USO1: variants seen among roughly 807,000 people sequenced by gnomAD.
USO1 encodes general vesicular transport factor p115.
Under a neutral mutation model 124.5 loss-of-function variants are expected in USO1, and 57 were observed. That is an observed-to-expected ratio of 0.46 (90% CI 0.37 to 0.57). The LOEUF is 0.57. Ranked by LOEUF, USO1 falls within the 20% of genes least tolerant of loss-of-function variation. The pLI, the probability that USO1 is intolerant of heterozygous loss-of-function variation, is 0.00. For synonymous variants in USO1, 369 were observed against 362.8 expected (o/e 1.02, Z -0.19); for missense variants, 900 against 1,040.6 (o/e 0.86, Z 1.86).
At chr4:75,751,700 A>G (rs2149153775) in intron 1 of USO1, among the ~76,000 whole-genome samples, 1 of 151,552 alleles carries the variant, frequency 6.6e-6, no homozygotes, top group East Asian at 2.0e-4. Flanking sequence ...GCATGGTGGC[A>G]GGTGCCTGTA....
intron 4 of USO1, 28 bp downstream of exon 4, chr4:75,757,601 T>G: frequency 7.0e-7 from 1 of 1,438,766 alleles, no homozygotes; most frequent in Non-Finnish European, 9.1e-7. Flanking sequence ...TTTACTGTGT[T>G]TTCTGTACTT....
chr4:75,725,016 G>A, intron 1 of USO1, 131 bp downstream of exon 1: 1 of 919,964 alleles, frequency 1.1e-6, no homozygotes, highest in Non-Finnish European at 1.7e-6. Context: ...CTCCCCCTTT[G>A]CCCTCCTTCC....
chr4:75,736,408 C>T (rs1720793853), intron 1 of USO1, among the ~76,000 whole-genome samples: 1 of 146,786 alleles, frequency 6.8e-6, no homozygotes. Context: ...ACCTCCGCCT[C>T]CTGGGTTCAA....
intron 1 of USO1, among the ~76,000 whole-genome samples, chr4:75,737,557 C>G (rs1490049859): frequency 6.6e-6 from 1 of 151,814 alleles, no homozygotes; most frequent in Non-Finnish European, 1.5e-5. Flanking sequence ...GAGCTGAGCT[C>G]TGTGTTGCAT....
chr4:75,801,231 G>T, intron 17 of USO1, 31 bp downstream of exon 17: 1 of 1,522,350 alleles, frequency 6.6e-7, no homozygotes, highest in Non-Finnish European at 8.8e-7. Context: ...TATACCCTCT[G>T]ATTACCAATA....
intron 12 of USO1, among the ~76,000 whole-genome samples, chr4:75,792,846 CCT>C (rs1246599498): frequency 6.6e-6 from 1 of 152,176 alleles, no homozygotes; most frequent in African/African-American, 2.4e-5. Context: ...CCCTGCCCTG[CCT>C]CTGATAACCA....
chr4:75,731,407 C>G (rs923378397), intron 1 of USO1, among the ~76,000 whole-genome samples: 3 of 151,962 alleles, frequency 2.0e-5, no homozygotes, highest in Non-Finnish European at 4.4e-5. Context: ...GCTAAAAATA[C>G]AAAAATTAGC....
chr4:75,780,640 C>CTTTTTTTTTTTTTTTTTTTTTTTTTTTT, intron 8 of USO1, among the ~76,000 whole-genome samples: 1 of 59,138 alleles, frequency 1.7e-5, no homozygotes, highest in Non-Finnish European at 2.9e-5. Context: ...TAAATTTTGA[C>CTTTTTTTTTTTTTTTTTTTTTTTTTTTT]TTTTTTTTTT....
intron 23 of USO1, among the ~76,000 whole-genome samples, chr4:75,812,820 T>C (rs748341826): frequency 6.6e-6 from 1 of 152,152 alleles, no homozygotes; most frequent in Non-Finnish European, 1.5e-5. Context: ...GTTACTAGAA[T>C]ACAAAATTTG....
In USO1 at chr4:75,782,766, T is replaced by C. The variant is rs767363449; in HGVS notation, c.763T>C (p.Tyr255His). ...SNQNFFKEGS[Y>H]IQRMKPWFEV... ...TCAAAATTTTTTTAAAGAAGGCTCATATATTCAACGTATGAAACCTTGGTT... is the reference window on the plus strand; with the variant it reads ...TCAAAATTTTTTTAAAGAAGGCTCACATATTCAACGTATGAAACCTTGGTT... Residue 255 changes from tyrosine (Y) to histidine (H), a missense_variant, in exon 9 of 24, where the codon TAT becomes CAT. Physicochemically the swap from Tyr to His is moderately conservative, Grantham distance 83. Transcript: ENST00000514213. The C allele has an allele frequency of 6.3e-7, 1 of 1,596,704 alleles. No individual in the cohort carries two copies.
intron 4 of USO1, among the ~76,000 whole-genome samples, chr4:75,761,707 A>C (rs563549590): frequency 1.9e-4 from 29 of 152,220 alleles, no homozygotes; most frequent in African/African-American, 5.8e-4. Flanking sequence ...AAAGTAACCA[A>C]GTTTTTTTGG....
chr4:75,757,697 A>G, intron 4 of USO1, 124 bp downstream of exon 4: 1 of 950,132 alleles, frequency 1.1e-6, no homozygotes, highest in Non-Finnish European at 1.4e-6. Context: ...TTTTTCATTA[A>G]AAAATTTAAT....
Position 75,757,566 on chromosome 4 carries a change from A to G in USO1, c.288A>G (p.Glu96=). The G allele has an allele frequency of 6.7e-7, 1 of 1,488,678 alleles. No homozygotes were observed. The allele number at this position is 1,488,678 out of a possible 1,614,324, so 92.2% of individuals were successfully genotyped here. ...ATATAATATCTAATGAAGAAGAAGA[A>G]GAAGTAGGTAAGTTTCCAGTTATTT... The part of the protein sequence containing the change: ...LYNIISNEEE[E]EVEENSTRQS... Residue 96 remains glutamate (E), a synonymous_variant, in exon 4 of 24, where the codon GAA becomes GAG. Coordinates refer to ENST00000514213, the MANE Select transcript of USO1 (RefSeq NM_003715.4).
At chr4:75,744,889 G>A in intron 1 of USO1, 1 of 505,828 alleles carries the variant, frequency 2.0e-6, no homozygotes, top group Non-Finnish European at 3.9e-6. Context: ...CTGTACTTGT[G>A]ATGGTACATG....
chr4:75,734,418 T>G (rs895403238), intron 1 of USO1, among the ~76,000 whole-genome samples: 3 of 152,190 alleles, frequency 2.0e-5, no homozygotes, highest in Admixed American at 1.3e-4. Flanking sequence ...CTTGTTACTG[T>G]CAATTTTGTC....
intron 4 of USO1, among the ~76,000 whole-genome samples, chr4:75,767,692 G>A (rs1019634803): frequency 6.6e-6 from 1 of 152,226 alleles, no homozygotes; most frequent in Non-Finnish European, 1.5e-5. Flanking sequence ...TTGAGTTAAT[G>A]GGTGTATTTT....
intron 1 of USO1, among the ~76,000 whole-genome samples, chr4:75,738,772 T>G (rs576739130): frequency 6.6e-6 from 1 of 152,240 alleles, no homozygotes; most frequent in East Asian, 1.9e-4. Context: ...AGAGTCACTG[T>G]GCCGGGCCAA....
chr4:75,773,005 G>A (rs1721974970), intron 7 of USO1, among the ~76,000 whole-genome samples: 1 of 152,094 alleles, frequency 6.6e-6, no homozygotes, highest in Non-Finnish European at 1.5e-5. Flanking sequence ...GGCTGAGGCA[G>A]GAGAATCGCT....
chr4:75,780,238 C>T (rs933338253), intron 8 of USO1, among the ~76,000 whole-genome samples: 1 of 152,050 alleles, frequency 6.6e-6, no homozygotes, highest in Non-Finnish European at 1.5e-5. Context: ...CACGCAAGAG[C>T]TCTGATGGAG....
Sources: allele counts gnomAD v4.1 joint callset (sites outside exome capture counted in the v4.1 genomes callset), GRCh38; gene constraint gnomAD v4.1.1; transcripts MANE v1.5; gene names NCBI Gene and HGNC (gene_info 2026-07-23, HGNC 2026-07-21).